The following PDZRN3 variants were observed in gnomAD, a reference collection of about 807,000 sequenced individuals.
PDZRN3 encodes PDZ domain containing ring finger 3.
Under a neutral mutation model 85.7 loss-of-function variants are expected in PDZRN3, and 38 were observed. The observed-to-expected ratio is 0.44, with a 90% CI of 0.34 to 0.58. PDZRN3 has a LOEUF of 0.58. Among genes scored for constraint, PDZRN3 ranks in the 20% least tolerant of loss-of-function variants. PDZRN3 has a pLI of 0.01. For synonymous variants in PDZRN3, 759 were observed against 638.0 expected (o/e 1.19, Z -2.86); for missense variants, 1,629 against 1,506.4 (o/e 1.08, Z -1.35).
chr3:73,508,905 G>A (rs964438493), intron 3 of PDZRN3, among the ~76,000 whole-genome samples: 1 of 152,150 alleles, frequency 6.6e-6, no homozygotes, highest in African/African-American at 2.4e-5. Flanking sequence ...AGAGCCCCTA[G>A]TGTCCCTTTG....
At chr3:73,522,963 T>TA (rs1704406128) in intron 3 of PDZRN3, among the ~76,000 whole-genome samples, 2 of 152,364 alleles carry the variant, frequency 1.3e-5, no homozygotes, top group South Asian at 4.2e-4. Flanking sequence ...CAGGATGTTC[T>TA]AGCCAATGAA....
chr3:73,456,793 T>A (rs918001025), intron 3 of PDZRN3, among the ~76,000 whole-genome samples: 2 of 152,204 alleles, frequency 1.3e-5, no homozygotes, highest in Admixed American at 6.5e-5. Flanking sequence ...AAGGTAGCTA[T>A]AATCATACCA....
intron 3 of PDZRN3, among the ~76,000 whole-genome samples, chr3:73,527,015 A>AT (rs944873457): frequency 6.6e-5 from 10 of 151,804 alleles, no homozygotes; most frequent in African/African-American, 1.2e-4. Flanking sequence ...CCCCCAGCTA[A>AT]TTTTTTTTAT....
chr3:73,492,159 A>G (rs541473095), intron 3 of PDZRN3, among the ~76,000 whole-genome samples: 113 of 152,290 alleles, frequency 7.4e-4, no homozygotes, highest in African/African-American at 2.6e-3. Flanking sequence ...CAGGCCCCCA[A>G]ACCAATTTCA....
At chr3:73,614,563 G>T (rs1002429658) in intron 1 of PDZRN3, among the ~76,000 whole-genome samples, 1 of 152,162 alleles carries the variant, frequency 6.6e-6, no homozygotes, top group Admixed American at 6.5e-5. Context: ...CTGACTGACC[G>T]CTAGTCTGTG....
At chr3:73,529,870 G>T (rs1013859855) in intron 3 of PDZRN3, among the ~76,000 whole-genome samples, 2 of 152,124 alleles carry the variant, frequency 1.3e-5, no homozygotes, top group Non-Finnish European at 2.9e-5. Context: ...CTATGCCTCA[G>T]GTTCATCATC....
At chr3:73,512,850 A>G (rs1465154289) in intron 3 of PDZRN3, among the ~76,000 whole-genome samples, 1 of 152,232 alleles carries the variant, frequency 6.6e-6, no homozygotes, top group African/African-American at 2.4e-5. Flanking sequence ...AATGAAAAGT[A>G]GCTTAGTTTA....
At chr3:73,530,405 C>T (rs1559724551) in intron 3 of PDZRN3, among the ~76,000 whole-genome samples, 2 of 152,206 alleles carry the variant, frequency 1.3e-5, no homozygotes, top group Non-Finnish European at 2.9e-5. Context: ...TAGTTGAGAA[C>T]TTAACATGAA....
At chr3:73,388,237 C>T (rs1701440430) in intron 7 of PDZRN3, 168 bp from the exon 8 acceptor site, 1 of 527,384 alleles carries the variant, frequency 1.9e-6, no homozygotes. Flanking sequence ...AAGGAAAGGT[C>T]TTGCTCAGAC....
intron 3 of PDZRN3, among the ~76,000 whole-genome samples, chr3:73,519,128 T>A (rs559111242): frequency 1.0e-3 from 152 of 152,226 alleles, no homozygotes; most frequent in Non-Finnish European, 2.0e-3. Flanking sequence ...TCTGATCTCC[T>A]CCCACTGGCC....
chr3:73,590,446 G>A (rs1435714694), intron 3 of PDZRN3, among the ~76,000 whole-genome samples: 2 of 152,088 alleles, frequency 1.3e-5, no homozygotes, highest in African/African-American at 4.8e-5. Flanking sequence ...CCCTTCCTCT[G>A]GTTAGGTCTC....
chr3:73,515,539 A>G (rs541159229), intron 3 of PDZRN3, among the ~76,000 whole-genome samples: 186 of 152,294 alleles, frequency 1.2e-3, no homozygotes, highest in African/African-American at 4.3e-3. Flanking sequence ...AAAAGTTCCT[A>G]TAAGGAAATG....
chr3:73,458,569 T>C (rs1703035186), intron 3 of PDZRN3, among the ~76,000 whole-genome samples: 1 of 148,808 alleles, frequency 6.7e-6, no homozygotes, highest in Non-Finnish European at 1.5e-5. Flanking sequence ...GATACAATGC[T>C]AGGAAACTGA....
At chr3:73,584,580 C>T (rs989006535) in intron 3 of PDZRN3, among the ~76,000 whole-genome samples, 2 of 151,330 alleles carry the variant, frequency 1.3e-5, no homozygotes, top group Non-Finnish European at 2.9e-5. Context: ...ATAAAACTAC[C>T]TAGTTTTTTG....
chr3:73,445,658 T>A (rs566682354), intron 3 of PDZRN3, among the ~76,000 whole-genome samples: 4 of 152,376 alleles, frequency 2.6e-5, no homozygotes, highest in South Asian at 4.1e-4. Flanking sequence ...ATGGCAATAC[T>A]AATTTTTTAA....
rs368624706 is a variant in PDZRN3, at chr3:73,622,309, G to T, written c.723+1794C>A. On this transcript the variant is annotated intron_variant, in intron 1 of 9. Coordinates refer to ENST00000263666, the MANE Select transcript of PDZRN3 (RefSeq NM_015009.3). ...GGGGGGCCAGGTCGGAAAACTTGCA[G>T]GCCTGGTGTGCACGTAAGGAAAGGG... Among the ~76,000 whole-genome samples the T allele has an allele frequency of 5.3e-4, 80 of 152,348 alleles. 1 individual carries two copies. In the East Asian group the frequency reaches 0.014, roughly 27 times the overall value.
intron 3 of PDZRN3, among the ~76,000 whole-genome samples, chr3:73,544,329 A>G (rs1034464839): frequency 6.6e-6 from 1 of 152,186 alleles, no homozygotes; most frequent in Non-Finnish European, 1.5e-5. Context: ...ACCATATTAT[A>G]CACAGTATTT....
chr3:73,447,811 C>A (rs1037552845), intron 3 of PDZRN3, among the ~76,000 whole-genome samples: 2 of 152,212 alleles, frequency 1.3e-5, no homozygotes, highest in African/African-American at 4.8e-5. Context: ...CCTGCCTTGA[C>A]CTTCCCTGTA....
intron 3 of PDZRN3, among the ~76,000 whole-genome samples, chr3:73,563,192 T>G (rs9854192): frequency 0.86 from 127,901 of 148,044 alleles, 55,286 homozygotes; most frequent in Middle Eastern, 0.89. Context: ...CTATTTTTTT[T>G]TTGTTGTTGT....
Sources: allele counts gnomAD v4.1 joint callset (sites outside exome capture counted in the v4.1 genomes callset), GRCh38; gene constraint gnomAD v4.1.1; transcripts MANE v1.5; gene names NCBI Gene and HGNC (gene_info 2026-07-23, HGNC 2026-07-21).